NAV2: variants seen among roughly 807,000 people sequenced by gnomAD.
NAV2 encodes neuron navigator 2, also known as helicase, APC down-regulated 1.
Under a neutral mutation model 223.2 loss-of-function variants are expected in NAV2, and 54 were observed. The ratio of observed to expected loss-of-function variants is 0.24; its 90% CI spans 0.19 to 0.30. NAV2 has a LOEUF of 0.30. Among genes scored for constraint, NAV2 ranks in the 10% least tolerant of loss-of-function variants. The pLI is 1.00. For synonymous variants in NAV2, 1,279 were observed against 1,239.3 expected (o/e 1.03, Z -0.67); for missense variants, 2,806 against 3,147.5 (o/e 0.89, Z 2.60).
chr11:19,518,376 CTCTGTGG>C (rs2134296119), intron 1 of NAV2: 1 of 152,348 alleles, frequency 6.6e-6, no homozygotes, highest in South Asian at 2.1e-4. Flanking sequence ...CCCACCCCTT[CTCTGTGG>C]TTAGATCAGG....
chr11:19,596,297 C>T (rs1298905492), intron 1 of NAV2, among the ~76,000 whole-genome samples: 3 of 152,202 alleles, frequency 2.0e-5, no homozygotes, highest in Non-Finnish European at 1.5e-5. Context: ...GAACCTAGCA[C>T]ATTTCTTAAA....
At chr11:19,463,583 T>C (rs1376415675) in intron 1 of NAV2, among the ~76,000 whole-genome samples, 1 of 152,220 alleles carries the variant, frequency 6.6e-6, no homozygotes, top group Non-Finnish European at 1.5e-5. Context: ...GAGTGGCCAA[T>C]GCCACGATAA....
At chr11:19,970,099 C>A (rs557141415) in intron 10 of NAV2, among the ~76,000 whole-genome samples, 6 of 152,314 alleles carry the variant, frequency 3.9e-5, no homozygotes, top group African/African-American at 1.4e-4. Context: ...CAATGTGAGA[C>A]CACAGTTGAC....
chr11:19,717,662 T>C (rs2050412010), intron 1 of NAV2, among the ~76,000 whole-genome samples: 1 of 152,230 alleles, frequency 6.6e-6, no homozygotes, highest in Admixed American at 6.5e-5. Flanking sequence ...TGGATTTGCA[T>C]GTTGGCTTCC....
chr11:19,540,676 G>A (rs2044314930), intron 1 of NAV2, among the ~76,000 whole-genome samples: 1 of 152,210 alleles, frequency 6.6e-6, no homozygotes, highest in African/African-American at 2.4e-5. Flanking sequence ...GGAAAATGCT[G>A]TAGCTGCTCC....
At chr11:20,090,764 T>G (rs2060786569) in intron 26 of NAV2, 101 bp from the exon 27 acceptor site, 2 of 1,276,956 alleles carry the variant, frequency 1.6e-6, no homozygotes, top group Admixed American at 2.1e-5. Context: ...CAGCTGGTTA[T>G]TCACAGTTAC....
Position 19,713,765 on chromosome 11 carries a change from A to C in NAV2, c.70A>C (p.Ile24Leu). The change falls in exon 1 of 38, where the codon ATC becomes CTC. Residue 24 changes from isoleucine to leucine, a missense_variant. Coordinates refer to ENST00000349880, the MANE Select transcript of NAV2 (RefSeq NM_145117.5). The surrounding 1 kb of genome is among the most constrained non-coding windows in gnomAD (Gnocchi z 7.2). The part of the protein sequence containing the change: ...LPKPVHSAAP[I>L]LHVPPARAGP... ...CAAACCCGTGCACAGCGCCGCGCCC[A>C]TCCTGCACGTGCCCCCGGCCCGGGC... The C allele has an allele frequency of 6.2e-7, 1 of 1,612,814 alleles. No homozygotes were observed. Among genetic ancestry groups the C allele is most frequent in the Non-Finnish European group, 8.5e-7 (1 of 1,179,708 alleles).
In NAV2 at chr11:19,859,365, G is replaced by C. The variant is rs561236877; in HGVS notation, c.439-9560G>C. On this transcript the variant is annotated intron_variant, in intron 3 of 37. Transcript: ENST00000349880. Reference sequence around the variant, plus strand: ...CTCTTAACGAGTATGCTGCCTTCAAGCTTCTGTTTAACAAAGCACATCTTG... The same window carrying C: ...CTCTTAACGAGTATGCTGCCTTCAACCTTCTGTTTAACAAAGCACATCTTG... Among the ~76,000 whole-genome samples, 13 of 150,584 alleles carry C rather than the reference G, an allele frequency of 8.6e-5. No homozygotes were observed. The South Asian group carries it at 2.9e-3, about 33-fold the overall frequency.
At chr11:19,884,215 G>A in intron 5 of NAV2, 2 of 1,035,100 alleles carry the variant, frequency 1.9e-6, no homozygotes, top group Non-Finnish European at 3.0e-6. Flanking sequence ...ATTGTCAGAA[G>A]ACTCTTAGGA....
At chr11:20,036,237 C>T (rs1330170897) in intron 12 of NAV2, 140 bp downstream of exon 12, 4 of 953,640 alleles carry the variant, frequency 4.2e-6, no homozygotes, top group African/African-American at 3.3e-5. Flanking sequence ...GCCGCCTCTG[C>T]TCTCACCTCC....
chr11:19,363,829 C>T (rs1409236152), intron 1 of NAV2, among the ~76,000 whole-genome samples: 1 of 152,164 alleles, frequency 6.6e-6, no homozygotes, highest in Non-Finnish European at 1.5e-5. Flanking sequence ...AAACAGTTTG[C>T]TTATTACCGG....
chr11:19,443,020 G>C (rs1406673143), intron 1 of NAV2, among the ~76,000 whole-genome samples: 1 of 152,196 alleles, frequency 6.6e-6, no homozygotes, highest in Non-Finnish European at 1.5e-5. Flanking sequence ...CCCACATTTA[G>C]ATCTAACTGG....
intron 6 of NAV2, among the ~76,000 whole-genome samples, chr11:19,895,269 G>T (rs2041882826): frequency 6.6e-6 from 1 of 151,866 alleles, no homozygotes; most frequent in African/African-American, 2.4e-5. Flanking sequence ...GTTTCACCAT[G>T]TTGGCCAGGC....
chr11:19,918,787 T>C (rs1011533839), intron 6 of NAV2, among the ~76,000 whole-genome samples: 12 of 152,250 alleles, frequency 7.9e-5, no homozygotes, highest in Admixed American at 4.6e-4. Context: ...TTTCATGCAG[T>C]CATTCAGTGA....
intron 1 of NAV2, among the ~76,000 whole-genome samples, chr11:19,745,981 A>G (rs2053301774): frequency 6.6e-6 from 1 of 152,242 alleles, no homozygotes; most frequent in Non-Finnish European, 1.5e-5. Context: ...ACAACTGCAG[A>G]ATCCTGCAGT....
At chr11:19,711,495 G>C (rs2049873786), upstream of NAV2, 1 of 152,170 alleles carries the variant, frequency 6.6e-6, no homozygotes, top group African/African-American at 2.4e-5. Flanking sequence ...GGGCTCCACT[G>C]TCTTGACCTT....
At chr11:19,513,102 C>T (rs889499017) in intron 1 of NAV2, among the ~76,000 whole-genome samples, 8 of 152,142 alleles carry the variant, frequency 5.3e-5, no homozygotes, top group African/African-American at 1.9e-4. Context: ...CCATGTGTGA[C>T]AAGTGTGATG....
intron 1 of NAV2, among the ~76,000 whole-genome samples, chr11:19,571,829 A>G (rs925804127): frequency 6.6e-6 from 1 of 152,246 alleles, no homozygotes; most frequent in Non-Finnish European, 1.5e-5. Context: ...ACTTATTATG[A>G]CTATATCCCC....
intron 14 of NAV2, among the ~76,000 whole-genome samples, chr11:20,048,426 A>G (rs2057674741): frequency 6.6e-6 from 1 of 152,170 alleles, no homozygotes; most frequent in African/African-American, 2.4e-5. Context: ...GGGAAGCAAG[A>G]TCTTGGCCCA....
Sources: gnomAD v4.1 joint callset for allele counts (sites outside exome capture counted in the v4.1 genomes callset) on GRCh38, gnomAD v4.1.1 for gene constraint, Gnocchi (gnomAD v3.1) non-coding constraint, MANE v1.5 for transcripts, NCBI Gene and HGNC (gene_info 2026-07-23, HGNC 2026-07-21) for gene names.